The following CPNE4 variants were observed in gnomAD, a reference collection of about 807,000 sequenced individuals.
CPNE4 encodes the protein copine-4.
In CPNE4, 25 loss-of-function variants were observed where a neutral mutation model predicts 67.9. The ratio of observed to expected loss-of-function variants is 0.37; its 90% CI spans 0.27 to 0.51. The LOEUF is 0.51. CPNE4 is among the 20% of genes least tolerant of loss of function. The pLI is 0.93. For synonymous variants in CPNE4, 242 were observed against 244.9 expected, an observed-to-expected ratio of 0.99 and a Z score of 0.11; for missense variants, 464 against 690.8, an observed-to-expected ratio of 0.67 and a Z score of 3.68.
intron 1 of CPNE4, among the ~76,000 whole-genome samples, chr3:131,995,781 G>T (rs2073276202): frequency 6.6e-6 from 1 of 152,152 alleles, no homozygotes; most frequent in Non-Finnish European, 1.5e-5. Context: ...AGTCTCACAA[G>T]TCTATTATCT....
chr3:131,826,124 C>G (rs976159273), intron 2 of CPNE4, among the ~76,000 whole-genome samples: 2 of 152,198 alleles, frequency 1.3e-5, no homozygotes, highest in African/African-American at 4.8e-5. Context: ...GCACCCCTCA[C>G]CCTGTAAATG....
At chr3:131,731,807 C>T (rs1490797279) in intron 2 of CPNE4, among the ~76,000 whole-genome samples, 1 of 152,126 alleles carries the variant, frequency 6.6e-6, no homozygotes, top group Non-Finnish European at 1.5e-5. Context: ...CTAGCCTGTG[C>T]CAGCTCTATC....
chr3:131,974,668 G>T (rs1052838494), intron 1 of CPNE4, among the ~76,000 whole-genome samples: 1 of 152,108 alleles, frequency 6.6e-6, no homozygotes, highest in Admixed American at 6.5e-5. Context: ...AAGCCTATCT[G>T]CCCATTGTTT....
At chr3:131,802,267 GT>G (rs1245654118) in intron 2 of CPNE4, among the ~76,000 whole-genome samples, 1 of 152,142 alleles carries the variant, frequency 6.6e-6, no homozygotes, top group Non-Finnish European at 1.5e-5. Context: ...CTGTTCTGCG[GT>G]TATACTAGTA....
At chr3:131,747,100 CCT>C (rs2082507940) in intron 2 of CPNE4, among the ~76,000 whole-genome samples, 1 of 138,254 alleles carries the variant, frequency 7.2e-6, no homozygotes, top group Admixed American at 7.7e-5. Context: ...AGGTCTTTTG[CCT>C]CTGTTTTAAA....
chr3:131,610,488 A>G (rs57396662), intron 7 of CPNE4, among the ~76,000 whole-genome samples: 23,740 of 152,010 alleles, frequency 0.16, 2,300 homozygotes, highest in African/African-American at 0.28. Flanking sequence ...GTTCTCCTTG[A>G]GTGTGCAGTA....
At chr3:131,875,874 A>G (rs1235593497) in intron 2 of CPNE4, among the ~76,000 whole-genome samples, 8 of 152,236 alleles carry the variant, frequency 5.3e-5, no homozygotes, top group Non-Finnish European at 1.5e-5. Flanking sequence ...TACAAAGACA[A>G]TCTGTTTAAG....
At chr3:132,004,697 A>C (rs1182412704) in intron 1 of CPNE4, among the ~76,000 whole-genome samples, 3 of 152,120 alleles carry the variant, frequency 2.0e-5, no homozygotes, top group Non-Finnish European at 4.4e-5. Context: ...ACCCTTAAAA[A>C]ACTACAGCTA....
intron 7 of CPNE4, among the ~76,000 whole-genome samples, chr3:131,638,973 G>A (rs1012815024): frequency 1.3e-5 from 2 of 152,026 alleles, no homozygotes; most frequent in African/African-American, 4.8e-5. Flanking sequence ...AACAATAATA[G>A]TGACACAACC....
chr3:131,869,242 T>G (rs532659688), intron 2 of CPNE4, among the ~76,000 whole-genome samples: 105 of 152,282 alleles, frequency 6.9e-4, no homozygotes, highest in Middle Eastern at 3.4e-3. Context: ...AACTCAACCT[T>G]GCTTCTCACT....
In CPNE4 at chr3:131,783,959, G is replaced by A. The variant is rs959519403; in HGVS notation, c.181-60334C>T. Among the ~76,000 whole-genome samples, 8 of 152,096 alleles carry A rather than the reference G, an allele frequency of 5.3e-5. No individual in the cohort carries two copies. In the East Asian group the frequency reaches 1.2e-3, roughly 22 times the overall value. On this transcript the variant is annotated intron_variant, in intron 2 of 15. Transcript: ENST00000429747. ...AGGATGATTTATTTAGCTGAAGTACGGTGAGAAGTCCCAAAGTTCTGACAC... is the reference window on the plus strand; with the variant it reads ...AGGATGATTTATTTAGCTGAAGTACAGTGAGAAGTCCCAAAGTTCTGACAC...
intron 3 of CPNE4, among the ~76,000 whole-genome samples, chr3:131,711,441 G>T (rs1238708374): frequency 1.3e-5 from 2 of 152,090 alleles, no homozygotes; most frequent in Non-Finnish European, 2.9e-5. Context: ...GTTTTCCTTT[G>T]TTTCTGATAA....
At chr3:131,943,869 A>G (rs529171778) in intron 1 of CPNE4, among the ~76,000 whole-genome samples, 1 of 152,216 alleles carries the variant, frequency 6.6e-6, no homozygotes, top group African/African-American at 2.4e-5. Flanking sequence ...AGTCCCCTCA[A>G]ACATACCAGA....
chr3:131,618,687 T>C (rs79545337), intron 7 of CPNE4, among the ~76,000 whole-genome samples: 6,377 of 152,264 alleles, frequency 0.042, 205 homozygotes, highest in Middle Eastern at 0.065. Flanking sequence ...TGTTCAAGCC[T>C]GAAGTATTTG....
intron 1 of CPNE4, among the ~76,000 whole-genome samples, chr3:131,906,923 T>C (rs2088792223): frequency 6.6e-6 from 1 of 151,972 alleles, no homozygotes; most frequent in Non-Finnish European, 1.5e-5. Flanking sequence ...TGTTGTTTCC[T>C]GACTTTTTAA....
chr3:131,874,965 A>G (rs554346034), intron 2 of CPNE4, among the ~76,000 whole-genome samples: 38 of 152,344 alleles, frequency 2.5e-4, no homozygotes, highest in Non-Finnish European at 4.7e-4. Flanking sequence ...AGCCTTTGCA[A>G]TCTGGCCTTG....
At chr3:131,872,459 T>C (rs1187814823) in intron 2 of CPNE4, among the ~76,000 whole-genome samples, 2 of 152,108 alleles carry the variant, frequency 1.3e-5, no homozygotes, top group Non-Finnish European at 2.9e-5. Context: ...CAGGAGAAAT[T>C]CTCTTTTACC....
At chr3:131,650,919 C>A (rs549002915) in intron 7 of CPNE4, among the ~76,000 whole-genome samples, 10 of 152,202 alleles carry the variant, frequency 6.6e-5, no homozygotes, top group African/African-American at 2.4e-4. Flanking sequence ...CAAACCACAT[C>A]TCTTTTTCCC....
At chr3:131,966,276 A>C (rs570215995) in intron 1 of CPNE4, among the ~76,000 whole-genome samples, 1 of 152,320 alleles carries the variant, frequency 6.6e-6, no homozygotes, top group South Asian at 2.1e-4. Context: ...AGTAGGAGAG[A>C]TCTAAAGTCA....
Sources: gnomAD v4.1 joint callset for allele counts (sites outside exome capture counted in the v4.1 genomes callset) on GRCh38, gnomAD v4.1.1 for gene constraint, MANE v1.5 for transcripts, NCBI Gene and HGNC (gene_info 2026-07-23, HGNC 2026-07-21) for gene names.